Variants in PTPRD observed in about 807,000 individuals in gnomAD.
The protein encoded by PTPRD is protein tyrosine phosphatase receptor type D, also known as receptor-type tyrosine-protein phosphatase delta.
In PTPRD, 34 loss-of-function variants were observed where a neutral mutation model predicts 214.5. The observed-to-expected ratio is 0.16, with a 90% CI of 0.12 to 0.21. The LOEUF (loss-of-function observed/expected upper bound fraction) is 0.21. PTPRD is among the 10% of genes least tolerant of loss of function. PTPRD has a pLI of 1.00. For synonymous variants in PTPRD, 1,128 were observed against 845.7 expected, an observed-to-expected ratio of 1.33 and a Z score of -5.79; for missense variants, 2,545 against 2,398.7, an observed-to-expected ratio of 1.06 and a Z score of -1.27.
chr9:9,950,684 C>T (rs1254172634), intron 4 of PTPRD, among the ~76,000 whole-genome samples: 1 of 29,286 alleles, frequency 3.4e-5, no homozygotes, highest in Non-Finnish European at 4.4e-5. Context: ...GAGATCGCGC[C>T]ACTGCACTCC....
intron 3 of PTPRD, among the ~76,000 whole-genome samples, chr9:10,314,922 A>G (rs926065994): frequency 7.9e-5 from 12 of 151,918 alleles, no homozygotes; most frequent in Admixed American, 1.3e-4. Context: ...GTGCTTGGTC[A>G]TAAGTTTCTT....
chr9:9,995,515 C>T (rs1459509732), intron 4 of PTPRD, among the ~76,000 whole-genome samples: 1 of 152,164 alleles, frequency 6.6e-6, no homozygotes, highest in African/African-American at 2.4e-5. Flanking sequence ...CAGATCCATT[C>T]TCCCTTTTCT....
intron 4 of PTPRD, among the ~76,000 whole-genome samples, chr9:9,942,138 C>T (rs539816919): frequency 2.0e-5 from 3 of 152,170 alleles, no homozygotes; most frequent in African/African-American, 7.2e-5. Context: ...TTCCCACCCT[C>T]ACCAAAACCA....
intron 11 of PTPRD, among the ~76,000 whole-genome samples, chr9:8,908,144 T>C (rs1270256748): frequency 2.0e-5 from 3 of 152,146 alleles, no homozygotes; most frequent in African/African-American, 7.2e-5. Flanking sequence ...GACAGCAGAA[T>C]GTTGTAATGA....
chr9:10,301,967 C>T (rs201895888), intron 3 of PTPRD, among the ~76,000 whole-genome samples: 3 of 152,204 alleles, frequency 2.0e-5, no homozygotes, highest in South Asian at 2.1e-4. Context: ...GACACATAAT[C>T]GTCAGATTCA....
At chr9:8,338,507 C>A (rs1458491207) in intron 43 of PTPRD, among the ~76,000 whole-genome samples, 1 of 152,032 alleles carries the variant, frequency 6.6e-6, no homozygotes, top group Non-Finnish European at 1.5e-5. Context: ...ACCAAATTAA[C>A]CTCTGGGTCC....
intron 2 of PTPRD, among the ~76,000 whole-genome samples, chr9:10,511,617 T>C (rs1193121309): frequency 6.7e-6 from 1 of 149,478 alleles, no homozygotes; most frequent in Non-Finnish European, 1.5e-5. Context: ...GATTTCATCA[T>C]GTTGGTCAGG....
chr9:9,842,298 A>ATT (rs138386194), intron 5 of PTPRD, among the ~76,000 whole-genome samples: 2,352 of 91,384 alleles, frequency 0.026, 171 homozygotes, highest in African/African-American at 0.07. Flanking sequence ...GAAGGAGAGC[A>ATT]TTTTTTTTTT....
In PTPRD at chr9:9,957,942, C is replaced by T. The variant is rs184088615; in HGVS notation, c.-471-19332G>A. Among the ~76,000 whole-genome samples the T allele has an allele frequency of 4.3e-3, 653 of 151,720 alleles. 7 individuals carry two copies. Among genetic ancestry groups the T allele is most frequent in the Middle Eastern group, 0.01 (3 of 292 alleles). On this transcript the variant is annotated intron_variant, in intron 4 of 45. Coordinates refer to ENST00000381196, the MANE Select transcript of PTPRD (RefSeq NM_002839.4). The stretch of plus-strand genomic sequence containing the variant: ...ACCCACATCAATACAGTCAACTGAT[C>T]TTTGACAAAAAAGCAAGGGCAATTC...
intron 2 of PTPRD, among the ~76,000 whole-genome samples, chr9:10,469,008 A>C (rs551432065): frequency 6.6e-6 from 1 of 152,280 alleles, no homozygotes; most frequent in East Asian, 1.9e-4. Flanking sequence ...ATAACTACCC[A>C]AAACCTATAG....
chr9:9,717,386 A>G (rs1283412207), intron 7 of PTPRD, among the ~76,000 whole-genome samples: 1 of 152,178 alleles, frequency 6.6e-6, no homozygotes, highest in African/African-American at 2.4e-5. Context: ...AATTCTGTGA[A>G]GAAAGTCATT....
chr9:9,082,912 G>T (rs1018579956), intron 10 of PTPRD, among the ~76,000 whole-genome samples: 1 of 151,860 alleles, frequency 6.6e-6, no homozygotes, highest in African/African-American at 2.4e-5. Flanking sequence ...GGATACAAAC[G>T]AATGGAAAAA....
intron 10 of PTPRD, among the ~76,000 whole-genome samples, chr9:9,096,391 T>C (rs911207080): frequency 1.3e-5 from 2 of 152,250 alleles, no homozygotes; most frequent in South Asian, 2.1e-4. Flanking sequence ...CAAGAAACAA[T>C]TGTCAATCTC....
At chr9:8,537,079 T>C (rs1212962494) in intron 14 of PTPRD, among the ~76,000 whole-genome samples, 1 of 151,992 alleles carries the variant, frequency 6.6e-6, no homozygotes, top group Admixed American at 6.6e-5. Flanking sequence ...CCATTCCAGA[T>C]GGCAGCAGGG....
intron 9 of PTPRD, among the ~76,000 whole-genome samples, chr9:9,199,817 TA>T (rs879306876): frequency 2.4e-4 from 36 of 152,108 alleles, no homozygotes; most frequent in Admixed American, 2.2e-3. Context: ...ATCATATATA[TA>T]TATAGCTGAA....
intron 9 of PTPRD, among the ~76,000 whole-genome samples, chr9:9,362,383 GA>G (rs1032940997): frequency 6.6e-6 from 1 of 150,782 alleles, no homozygotes; most frequent in Non-Finnish European, 1.5e-5. Context: ...TTTGTTAAGG[GA>G]AAAAAACAAC....
chr9:9,240,408 C>T (rs1339555230), intron 9 of PTPRD, among the ~76,000 whole-genome samples: 4 of 152,128 alleles, frequency 2.6e-5, no homozygotes, highest in African/African-American at 9.7e-5. Context: ...TGCAATGGCT[C>T]ATGCCTATAA....
At chr9:9,275,587 G>T (rs1298541651) in intron 9 of PTPRD, among the ~76,000 whole-genome samples, 1 of 151,274 alleles carries the variant, frequency 6.6e-6, no homozygotes, top group East Asian at 2.0e-4. Flanking sequence ...TGCTTAGGTT[G>T]GTCTAGACCA....
At chr9:10,512,008 ATACGTGTG>A (rs1359600296) in intron 2 of PTPRD, among the ~76,000 whole-genome samples, 35 of 78,332 alleles carry the variant, frequency 4.5e-4, no homozygotes, top group African/African-American at 1.8e-3. Context: ...ATATATATAT[ATACGTGTG>A]TGTATATATA....
Sources: allele counts gnomAD v4.1 joint callset (sites outside exome capture counted in the v4.1 genomes callset), GRCh38; gene constraint gnomAD v4.1.1; transcripts MANE v1.5; gene names NCBI Gene and HGNC (gene_info 2026-07-23, HGNC 2026-07-21).